LEF1: variants seen among roughly 807,000 people sequenced by gnomAD.
LEF1 encodes lymphoid enhancer-binding factor 1.
LEF1 carries 14 observed loss-of-function variants against 51.2 expected under a neutral mutation model. The observed-to-expected ratio is 0.27, with a 90% confidence interval of 0.18 to 0.43. The LOEUF (loss-of-function observed/expected upper bound fraction) is 0.43. LEF1 is among the 20% of genes least tolerant of loss of function. The pLI, the probability that LEF1 is intolerant of heterozygous loss-of-function variation, is 1.00. For missense variants in LEF1, 386 were observed against 512.0 expected, an observed-to-expected ratio of 0.75 and a Z score of 2.37; for synonymous variants, 185 against 183.2, an observed-to-expected ratio of 1.01 and a Z score of -0.08.
chr4:108,063,752 G>GT, intron 10 of LEF1, 89 bp from the exon 11 acceptor site: 1 of 875,154 alleles, frequency 1.1e-6, no homozygotes, highest in Non-Finnish European at 1.8e-6. Context: ...ATGTGAACTT[G>GT]TTTGCTTTAC....
At chr4:108,093,328 T>G (rs1011499667) in intron 3 of LEF1, among the ~76,000 whole-genome samples, 4 of 152,156 alleles carry the variant, frequency 2.6e-5, no homozygotes, top group African/African-American at 7.2e-5. Flanking sequence ...ACTGTACACA[T>G]AGTAAGTACC....
chr4:108,096,259 G>A (rs1253808634), intron 3 of LEF1, among the ~76,000 whole-genome samples: 1 of 152,128 alleles, frequency 6.6e-6, no homozygotes, highest in Non-Finnish European at 1.5e-5. Flanking sequence ...AGGAGGAGAA[G>A]GAGAAACAGG....
chr4:108,137,940 G>T (rs1743402382), intron 3 of LEF1, among the ~76,000 whole-genome samples: 1 of 152,096 alleles, frequency 6.6e-6, no homozygotes, highest in African/African-American at 2.4e-5. Context: ...ACATTAAAAA[G>T]ACTAGGGAAA....
chr4:108,103,372 T>C (rs1201910508), intron 3 of LEF1, among the ~76,000 whole-genome samples: 1 of 152,244 alleles, frequency 6.6e-6, no homozygotes, highest in African/African-American at 2.4e-5. Context: ...TAAGCTATTC[T>C]TGCATATTCA....
At chr4:108,123,439 T>TG (rs1742303537) in intron 3 of LEF1, among the ~76,000 whole-genome samples, 1 of 147,742 alleles carries the variant, frequency 6.8e-6, no homozygotes, top group African/African-American at 2.5e-5. Context: ...TTGGTTTTTT[T>TG]TTTTTTTTTT....
intron 9 of LEF1, among the ~76,000 whole-genome samples, chr4:108,065,239 C>A (rs1737987215): frequency 6.6e-6 from 1 of 152,336 alleles, no homozygotes; most frequent in Admixed American, 6.5e-5. Context: ...GTAATCCCGG[C>A]ACTTCAGGAA....
chr4:108,048,908 A>G (rs1736794959), intron 11 of LEF1, 157 bp from the exon 12 acceptor site: 2 of 469,884 alleles, frequency 4.3e-6, no homozygotes, highest in Non-Finnish European at 7.3e-6. Context: ...CCTATCAGTC[A>G]AAAATCCTGA....
In LEF1 at chr4:108,151,673, T is replaced by C. The variant is rs144228643; in HGVS notation, c.414+11895A>G. On this transcript the variant is annotated intron_variant, in intron 3 of 11. Coordinates refer to ENST00000265165, the MANE Select transcript of LEF1 (RefSeq NM_016269.5). ...TATCAGAGATAGCACTGAGTTACTA[T>C]GAGGATTAAATGGGCTAACGCACAG... 2.3e-3 allele frequency among the ~76,000 whole-genome samples: 349 copies of C among 152,282 alleles called. 3 individuals are homozygous for C. The highest frequency in any genetic ancestry group is 0.014 in the Middle Eastern group (4 of 294).
chr4:108,092,276 G>T (rs1442039610), intron 3 of LEF1, among the ~76,000 whole-genome samples: 2 of 152,184 alleles, frequency 1.3e-5, no homozygotes, highest in Non-Finnish European at 2.9e-5. Context: ...ACTAGTAGGT[G>T]TGTTAAAGCC....
chr4:108,087,746 G>A (rs78806672), intron 4 of LEF1, among the ~76,000 whole-genome samples: 3,988 of 152,186 alleles, frequency 0.026, 159 homozygotes, highest in African/African-American at 0.091. Context: ...CCTCCTGCTC[G>A]GATGCTGGTC....
chr4:108,126,600 C>T (rs948627573), intron 3 of LEF1, among the ~76,000 whole-genome samples: 6 of 151,640 alleles, frequency 4.0e-5, no homozygotes, highest in African/African-American at 1.5e-4. Context: ...GACAGGAGTT[C>T]GAGACCAGCC....
chr4:108,099,438 G>C (rs1235162437), intron 3 of LEF1, among the ~76,000 whole-genome samples: 2 of 150,880 alleles, frequency 1.3e-5, no homozygotes, highest in African/African-American at 2.4e-5. Flanking sequence ...AAGTGGCAGA[G>C]CTGGTAATTT....
intron 3 of LEF1, among the ~76,000 whole-genome samples, chr4:108,158,633 A>G (rs1033889672): frequency 4.0e-4 from 61 of 152,154 alleles, no homozygotes; most frequent in Non-Finnish European, 4.4e-5. Context: ...TACATAAATG[A>G]GGAACAAAAG....
Position 108,167,451 on chromosome 4 carries a change from G to A in LEF1, c.213+104C>T, listed in dbSNP as rs1013935408. On this transcript the variant is annotated intron_variant, in intron 1 of 11. Coordinates refer to ENST00000265165, the MANE Select transcript of LEF1 (RefSeq NM_016269.5). This position sits in a 1 kb window ranked among gnomAD's most constrained non-coding sequence, Gnocchi z 5.7. The stretch of plus-strand genomic sequence containing the variant: ...CCCAAAACAAACGAGGGATCTACTC[G>A]GGACCCTCAGCCGGGCGGCCGGGCG... 2.9e-5 allele frequency: 32 copies of A among 1,111,450 alleles called. No homozygotes were observed. In the East Asian group the frequency reaches 7.6e-4, roughly 26 times the overall value. 68.8% of individuals were successfully genotyped at this position (1,111,450 alleles called of 1,614,324 possible).
At chr4:108,083,177 CA>C in intron 5 of LEF1, 178 bp downstream of exon 5, 2 of 608,800 alleles carry the variant, frequency 3.3e-6, no homozygotes. Flanking sequence ...CAATCCATTT[CA>C]AAGTCTGTAT....
intron 3 of LEF1, among the ~76,000 whole-genome samples, chr4:108,101,965 C>A (rs990978282): frequency 6.0e-5 from 9 of 150,570 alleles, no homozygotes; most frequent in African/African-American, 2.2e-4. Flanking sequence ...AAGGCTGAGG[C>A]AGGAGAATCA....
rs1162000209 is a variant in LEF1 at position 108,157,168 on chromosome 4, CTA to C, written c.414+6398_414+6399del. Among the ~76,000 whole-genome samples, 499 of 133,816 alleles carry C rather than the reference CTA, an allele frequency of 3.7e-3. 2 individuals are homozygous for C. The highest frequency in any genetic ancestry group is 0.012 in the African/African-American group (421 of 34,282). The allele number at this position is 133,816 out of a possible 152,430, so 87.8% of individuals were successfully genotyped here. ...CTTCATTCTCTCTCTCTCTCTCTCT[CTA>C]TATATATATACACACACACACACAC... On this transcript the variant is annotated intron_variant, in intron 3 of 11. Coordinates refer to ENST00000265165, the MANE Select transcript of LEF1 (RefSeq NM_016269.5).
chr4:108,167,730 C>G lies in LEF1; in HGVS notation c.38G>C (p.Gly13Ala). The change falls in exon 1 of 12, where the codon GGG (glycine) becomes GCG (alanine). Residue 13 changes from glycine (G) to alanine (A), a missense_variant. By Grantham distance (60) the Gly-to-Ala change is moderately conservative (BLOSUM62 0). Transcript: ENST00000265165. The surrounding 1 kb of genome is among the most constrained non-coding windows in gnomAD (Gnocchi z 5.7). Reference protein sequence around the residue: ...QLSGGGGGGGGDPELCATDEM... With the variant: ...QLSGGGGGGGADPELCATDEM... ...GTCCGTGGCGCAGAGTTCCGGGTCC[C>G]CCCCGCCGCCGCCACCTCCTCCGGA... 1 of 1,613,642 alleles carries G rather than the reference C, an allele frequency of 6.2e-7. No individual in the cohort carries two copies. Among genetic ancestry groups the G allele is most frequent in the Middle Eastern group, 1.7e-4 (1 of 5,932 alleles).
intron 3 of LEF1, among the ~76,000 whole-genome samples, chr4:108,104,425 TTA>T (rs921562971): frequency 6.8e-6 from 1 of 147,838 alleles, no homozygotes; most frequent in Non-Finnish European, 1.5e-5. Context: ...CAAGTGAAAT[TTA>T]TATATATATA....
Sources: gnomAD v4.1 joint callset for allele counts (sites outside exome capture counted in the v4.1 genomes callset) on GRCh38, gnomAD v4.1.1 for gene constraint, Gnocchi (gnomAD v3.1) non-coding constraint, MANE v1.5 for transcripts, NCBI Gene and HGNC (gene_info 2026-07-23, HGNC 2026-07-21) for gene names.